The following SGCD variants were observed in gnomAD, a reference collection of about 807,000 sequenced individuals.
SGCD encodes delta-sarcoglycan.
A neutral mutation model predicts 36.6 loss-of-function variants in SGCD; 18 were observed. That is an observed-to-expected ratio of 0.49 (90% CI 0.34 to 0.73). The LOEUF (loss-of-function observed/expected upper bound fraction) is 0.73. SGCD is among the 30% of genes least tolerant of loss of function. The probability of loss-of-function intolerance (pLI) is 0.01; values close to 1 mark genes in which losing one functional copy is unlikely to be tolerated. For missense variants in SGCD, 387 were observed against 346.7 expected (o/e 1.12, Z -0.92); for synonymous variants, 133 against 130.6 (o/e 1.02, Z -0.12).
chr5:156,733,479 G>C (rs1756185705), intron 7 of SGCD, among the ~76,000 whole-genome samples: 1 of 152,160 alleles, frequency 6.6e-6, no homozygotes, highest in Admixed American at 6.6e-5. Flanking sequence ...GCAATGAGAA[G>C]AATGTATATT....
At chr5:156,571,319 G>A (rs979272289) in intron 4 of SGCD, among the ~76,000 whole-genome samples, 2 of 152,106 alleles carry the variant, frequency 1.3e-5, no homozygotes, top group Admixed American at 6.5e-5. Context: ...GTGCTGGGAT[G>A]ACAGGATGTG....
intron 1 of SGCD, among the ~76,000 whole-genome samples, chr5:155,990,513 G>C (rs1384569087): frequency 6.6e-6 from 1 of 152,126 alleles, no homozygotes; most frequent in African/African-American, 2.4e-5. Context: ...ATTTCCACAT[G>C]AATTGAGGAT....
chr5:156,677,715 A>G (rs1318150774), intron 7 of SGCD, among the ~76,000 whole-genome samples: 1 of 152,124 alleles, frequency 6.6e-6, no homozygotes, highest in Non-Finnish European at 1.5e-5. Context: ...CTGGTGGAGA[A>G]AATTTTATAT....
chr5:155,739,580 T>A, the SGCD span, among the ~76,000 whole-genome samples: 1 of 152,244 alleles, frequency 6.6e-6, no homozygotes, highest in African/African-American at 2.4e-5. Flanking sequence ...ACACTTTCCA[T>A]TACAGAATTT....
chr5:156,368,393 T>TA (rs1252696560), intron 3 of SGCD, among the ~76,000 whole-genome samples: 1 of 152,208 alleles, frequency 6.6e-6, no homozygotes, highest in Non-Finnish European at 1.5e-5. Context: ...GCCTGGCCTG[T>TA]ACTCATGCTT....
At chr5:156,069,064 T>G (rs537794349) in intron 1 of SGCD, among the ~76,000 whole-genome samples, 104 of 152,274 alleles carry the variant, frequency 6.8e-4, no homozygotes, top group East Asian at 1.5e-3. Flanking sequence ...TTTCTCCCAT[T>G]CTGTAGGTTG....
chr5:155,961,730 T>A (rs1422408342), intron 1 of SGCD, among the ~76,000 whole-genome samples: 1 of 152,108 alleles, frequency 6.6e-6, no homozygotes, highest in Non-Finnish European at 1.5e-5. Context: ...TTTTTTCTTT[T>A]TTTACTTTTT....
chr5:156,246,608 G>A (rs1444602140), intron 3 of SGCD, among the ~76,000 whole-genome samples: 2 of 152,056 alleles, frequency 1.3e-5, no homozygotes, highest in Admixed American at 6.6e-5. Context: ...ATATAAATAA[G>A]GAATATGCTA....
intron 3 of SGCD, among the ~76,000 whole-genome samples, chr5:156,348,031 C>A (rs1472656565): frequency 6.6e-6 from 1 of 152,120 alleles, no homozygotes; most frequent in Non-Finnish European, 1.5e-5. Context: ...ATTGGTCTTG[C>A]CCTGCAAGTT....
chr5:155,775,513 A>G, the SGCD span, among the ~76,000 whole-genome samples: 1 of 151,998 alleles, frequency 6.6e-6, no homozygotes, highest in Non-Finnish European at 1.5e-5. Context: ...GCTTTTTCCA[A>G]CTCTATTATG....
intron 7 of SGCD, among the ~76,000 whole-genome samples, chr5:156,704,906 A>G (rs545153752): frequency 1.3e-5 from 2 of 152,134 alleles, no homozygotes; most frequent in East Asian, 1.9e-4. Flanking sequence ...TTAAAAAAAA[A>G]AAAGAAAGAC....
At chr5:156,243,011 G>T (rs1765342812) in intron 3 of SGCD, among the ~76,000 whole-genome samples, 1 of 152,208 alleles carries the variant, frequency 6.6e-6, no homozygotes, top group South Asian at 2.1e-4. Flanking sequence ...GAGGTTGAAG[G>T]GGTGACTGGC....
Position 156,696,823 on chromosome 5 carries a change from C to T in SGCD, c.575+49287C>T, listed in dbSNP as rs147527921. ...CAGCAACCAGCCCAACTTCTGCTTTCAAAAGCATATTTTAGAGTTAAAATT... is the reference window on the plus strand; with the variant it reads ...CAGCAACCAGCCCAACTTCTGCTTTTAAAAGCATATTTTAGAGTTAAAATT... On this transcript the variant is annotated intron_variant, in intron 7 of 8. Transcript: ENST00000337851. 1.1e-3 allele frequency among the ~76,000 whole-genome samples: 168 copies of T among 151,966 alleles called. 1 individual carries two copies. The highest frequency in any genetic ancestry group is 2.2e-3 in the Non-Finnish European group (148 of 67,974).
At chr5:156,295,257 G>A (rs552725733) in intron 3 of SGCD, among the ~76,000 whole-genome samples, 1 of 152,050 alleles carries the variant, frequency 6.6e-6, no homozygotes, top group South Asian at 2.1e-4. Flanking sequence ...TAATTTGTTG[G>A]TGTACAATTG....
chr5:156,625,027 A>G (rs1762390442), intron 6 of SGCD, among the ~76,000 whole-genome samples: 1 of 152,216 alleles, frequency 6.6e-6, no homozygotes, highest in Non-Finnish European at 1.5e-5. Flanking sequence ...TGGAAGATAA[A>G]TGAAAAAACA....
intron 3 of SGCD, among the ~76,000 whole-genome samples, chr5:156,474,591 A>T (rs544178626): frequency 3.9e-5 from 6 of 152,374 alleles, no homozygotes; most frequent in African/African-American, 1.4e-4. Flanking sequence ...AGCTGGTCAC[A>T]GAAAGAGGCA....
chr5:156,730,393 GC>G (rs1755996962), intron 7 of SGCD, among the ~76,000 whole-genome samples: 1 of 152,020 alleles, frequency 6.6e-6, no homozygotes, highest in African/African-American at 2.4e-5. Flanking sequence ...CTGCCAAAAT[GC>G]CCCAGTGCAT....
chr5:155,895,895 A>G (rs772021234), intron 1 of SGCD, among the ~76,000 whole-genome samples: 48 of 152,326 alleles, frequency 3.2e-4, no homozygotes, highest in Non-Finnish European at 5.3e-4. Context: ...AAATGCTGAC[A>G]TTGTTTTAGT....
intron 7 of SGCD, among the ~76,000 whole-genome samples, chr5:156,663,789 C>T (rs1393913390): frequency 1.4e-5 from 2 of 145,240 alleles, no homozygotes; most frequent in Non-Finnish European, 3.0e-5. Context: ...GCTGCACTGC[C>T]GCTTGTGGTG....
Sources: allele counts gnomAD v4.1 joint callset (sites outside exome capture counted in the v4.1 genomes callset), GRCh38; gene constraint gnomAD v4.1.1; transcripts MANE v1.5; gene names NCBI Gene and HGNC (gene_info 2026-07-23, HGNC 2026-07-21).